The following SAFB variants were observed in gnomAD, a reference collection of about 807,000 sequenced individuals.
SAFB encodes scaffold attachment factor B, also known as scaffold attachment factor B1.
SAFB carries 15 observed loss-of-function variants against 101.6 expected under a neutral mutation model. The ratio of observed to expected loss-of-function variants is 0.15; its 90% CI spans 0.10 to 0.23. The LOEUF is 0.23. Ranked by LOEUF, SAFB falls within the 10% of genes least tolerant of loss-of-function variation. The pLI is 1.00. For synonymous variants in SAFB, 449 were observed against 407.5 expected, an observed-to-expected ratio of 1.10 and a Z score of -1.23; for missense variants, 930 against 1,104.1, an observed-to-expected ratio of 0.84 and a Z score of 2.23.
chr19:5,652,651 G>A lies in SAFB; in HGVS notation c.1294-464G>A, dbSNP rs143235403. Among the ~76,000 whole-genome samples, 48 of 152,042 alleles carry A rather than the reference G, an allele frequency of 3.2e-4. No homozygotes were observed. The East Asian group carries it at 9.1e-3, about 29-fold the overall frequency. On this transcript the variant is annotated intron_variant, in intron 9 of 20. Transcript: ENST00000588852. ...TAACTGAAACACATCACTGCGTTTT[G>A]TTACAGTCAATGATAGGGCAGATCT...
Position 5,654,362 on chromosome 19 carries a change from C to CT in SAFB, c.1667-5dup, listed in dbSNP as rs772682117. The CT allele has an allele frequency of 6.2e-7, 1 of 1,610,528 alleles. No individual in the cohort carries two copies. Among genetic ancestry groups the CT allele is most frequent in the Admixed American group, 1.7e-5 (1 of 59,996 alleles). On this transcript the variant is annotated splice_region_variant and splice_polypyrimidine_tract_variant and intron_variant, in intron 12 of 20. Transcript: ENST00000588852. Reference sequence around the variant, plus strand: ...TCCACTTACACTTTCCCCGTCTTTTCTGTAGGAAGTCGAGGGACCGAACGG... The same window carrying CT: ...TCCACTTACACTTTCCCCGTCTTTTCTTGTAGGAAGTCGAGGGACCGAACGG...
rs768659441 is a variant in SAFB at position 5,641,942 on chromosome 19, A to G, written c.542A>G (p.His181Arg). ...GAGCTTCCGGAGCAGCTTCAGGAAC[A>G]TGCTGTAGGTAACCGGCAATGTCTC... ...MKELPEQLQE[H>R]AIEDKETINN... The change falls in exon 4 of 21, where the codon CAT (histidine) becomes CGT (arginine). Residue 181 changes from histidine to arginine, a missense_variant. By Grantham distance (29) the His-to-Arg change is conservative. Coordinates refer to ENST00000588852, the MANE Select transcript of SAFB (RefSeq NM_001201338.2). The G allele has an allele frequency of 2.2e-5, 36 of 1,613,416 alleles. No homozygotes were observed. In the East Asian group the frequency reaches 8.0e-4, roughly 36 times the overall value.
At chr19:5,657,189 G>A (rs1388623922) in intron 13 of SAFB, 52 bp from the exon 14 acceptor site, 1 of 1,362,684 alleles carries the variant, frequency 7.3e-7, no homozygotes, top group Non-Finnish European at 1.0e-6. Context: ...ACAGGCATAA[G>A]CCTCCGTGCC....
At chr19:5,624,297 T>G (rs2053290069) in intron 1 of SAFB, among the ~76,000 whole-genome samples, 1 of 151,430 alleles carries the variant, frequency 6.6e-6, no homozygotes, top group Non-Finnish European at 1.5e-5. Context: ...TAAGTTTGCG[T>G]GGAGCAGGCT....
At chr19:5,651,111 C>G (rs554059414) in intron 9 of SAFB, 39 bp downstream of exon 9, 55 of 1,366,306 alleles carry the variant, frequency 4.0e-5, no homozygotes, top group Non-Finnish European at 5.6e-5. Context: ...TACTTTGAAA[C>G]CAGCGTTGTG....
chr19:5,650,062 G>A, intron 8 of SAFB, 87 bp downstream of exon 8: 1 of 1,035,014 alleles, frequency 9.7e-7, no homozygotes, highest in South Asian at 1.3e-5. Flanking sequence ...CGCGTGCTAT[G>A]CTCCTTACCC....
intron 11 of SAFB, 103 bp downstream of exon 11, chr19:5,653,523 G>A (rs1321099513): frequency 3.0e-6 from 3 of 996,958 alleles, no homozygotes; most frequent in Non-Finnish European, 3.0e-6. Flanking sequence ...CTGGAGTGCA[G>A]TGGTGTGATC....
intron 2 of SAFB, among the ~76,000 whole-genome samples, chr19:5,634,183 A>T (rs2053548499): frequency 6.6e-6 from 1 of 152,152 alleles, no homozygotes; most frequent in African/African-American, 2.4e-5. Flanking sequence ...CCTAGATGTG[A>T]TGACTTTTTA....
chr19:5,668,167 G>A lies in SAFB; in HGVS notation c.2630G>A (p.Gly877Asp). The change falls in exon 21 of 21, where the codon GGC becomes GAC. Residue 877 changes from glycine (G) to aspartate (D), a missense_variant. Gly to Asp is a moderately conservative substitution (Grantham distance 94). This residue lies in a region of SAFB where 318 missense variants were observed against 342.6 expected (regional missense o/e 0.93). Transcript: ENST00000588852. ...MMNRGGMSGR[G>D]SFAPGGASRG... is the part of the protein sequence containing the mutation. ...CAATGTGAATTTGTTCCTAGGCGCG[G>A]CAGCTTTGCCCCAGGCGGGGCCTCC... The A allele has an allele frequency of 1.2e-6, 2 of 1,606,470 alleles. No homozygotes were observed. The highest frequency in any genetic ancestry group is 1.7e-5 in the Admixed American group (1 of 57,706).
rs1225807064 is a variant in SAFB at position 5,664,617 on chromosome 19, T to C, written c.2334+178T>C. 3 of 587,512 alleles carry C rather than the reference T, an allele frequency of 5.1e-6. No individual in the cohort carries two copies. The East Asian group carries it at 9.0e-5, about 18-fold the overall frequency. The allele number at this position is 587,512 out of a possible 1,614,324, so 36.4% of individuals were successfully genotyped here. A position where few individuals can be genotyped will look rare whatever the true frequency, so the allele number is the denominator to read the frequency against. ...GAAATTTGGGATTATTTGGGGTTAG[T>C]CTTGGCTGTCAGTCCAAACAGTTAC... On this transcript the variant is annotated intron_variant, in intron 17 of 20. Transcript: ENST00000588852.
Position 5,656,864 on chromosome 19 carries a change from G to A in SAFB, c.1756-377G>A, listed in dbSNP as rs550915398. On this transcript the variant is annotated intron_variant, in intron 13 of 20. Transcript: ENST00000588852. ...TGGCTCACTGCAAGCTCTGCCTCCC[G>A]GGTTCACGCCATTCTCCTGCTTCAG... 1.8e-4 allele frequency among the ~76,000 whole-genome samples: 28 copies of A among 151,906 alleles called. No homozygotes were observed. The East Asian group carries it at 3.3e-3, about 18-fold the overall frequency.
chr19:5,657,368 G>C, intron 14 of SAFB, 21 bp downstream of exon 14: 1 of 1,525,756 alleles, frequency 6.6e-7, no homozygotes, highest in Non-Finnish European at 9.1e-7. Context: ...ATCCAGGAAC[G>C]GTTTGGTGTT....
chr19:5,628,824 C>G (rs2053425162), intron 2 of SAFB, among the ~76,000 whole-genome samples: 1 of 152,178 alleles, frequency 6.6e-6, no homozygotes, highest in African/African-American at 2.4e-5. Flanking sequence ...CCTGGAAAAT[C>G]AATGGAGAAA....
chr19:5,650,905 T>C (rs1030545547), intron 8 of SAFB, 73 bp from the exon 9 acceptor site: 3 of 979,610 alleles, frequency 3.1e-6, no homozygotes, highest in Non-Finnish European at 4.7e-6. Context: ...CATGTCTCTT[T>C]TGGAAAGGTT....
chr19:5,638,923 T>C (rs1274316938), intron 2 of SAFB, among the ~76,000 whole-genome samples: 1 of 152,206 alleles, frequency 6.6e-6, no homozygotes, highest in Middle Eastern at 3.4e-3. Flanking sequence ...GGTTTTGCCA[T>C]GTTGGCCAGG....
Position 5,626,449 on chromosome 19 carries a change from C to T in SAFB, c.234C>T (p.Thr78=), listed in dbSNP as rs776793709. ...EGGNPDEIEI[T]SEGNKKTSKR... is the part of the protein sequence containing the mutation. ...GTAATCCTGACGAAATTGAAATTAC[C>T]TCCGAGGGAAACAAGAAAACATCAA... Residue 78 remains threonine (T), a synonymous_variant, in exon 2 of 21, where the codon ACC becomes ACT. Transcript: ENST00000588852. The T allele has an allele frequency of 4.3e-6, 7 of 1,610,726 alleles. No individual in the cohort carries two copies. Among genetic ancestry groups the T allele is most frequent in the South Asian group, 2.2e-5 (2 of 90,956 alleles).
At chr19:5,625,134 C>T (rs535875215) in intron 1 of SAFB, among the ~76,000 whole-genome samples, 2 of 152,300 alleles carry the variant, frequency 1.3e-5, no homozygotes, top group Admixed American at 1.3e-4. Flanking sequence ...AGCCCATATC[C>T]CTGTCTGCCA....
Position 5,664,172 on chromosome 19 carries a change from C to A in SAFB, c.2291+13C>A. On this transcript the variant is annotated intron_variant, in intron 16 of 20. Transcript: ENST00000588852. ...ACTCGGTGGACAGGTCAGTTGGGCCCCTGCTGGGCGTGCGGGTTTTCTTTT... is the reference window on the plus strand; with the variant it reads ...ACTCGGTGGACAGGTCAGTTGGGCCACTGCTGGGCGTGCGGGTTTTCTTTT... The A allele has an allele frequency of 1.2e-6, 2 of 1,612,040 alleles. No individual in the cohort carries two copies. The highest frequency in any genetic ancestry group is 1.3e-5 in the African/African-American group (1 of 74,944).
chr19:5,636,262 A>AT, intron 2 of SAFB, among the ~76,000 whole-genome samples: 1 of 152,054 alleles, frequency 6.6e-6, no homozygotes, highest in Admixed American at 6.6e-5. Context: ...AAGTTAGTAG[A>AT]TTTTTCCTAT....
Sources: allele counts gnomAD v4.1 joint callset (sites outside exome capture counted in the v4.1 genomes callset), GRCh38; gene constraint gnomAD v4.1.1; regional missense constraint gnomAD v4.1.1; transcripts MANE v1.5; gene names NCBI Gene and HGNC (gene_info 2026-07-23, HGNC 2026-07-21).